NR6A1: variants seen among roughly 807,000 people sequenced by gnomAD.
The protein encoded by NR6A1 is nuclear receptor subfamily 6 group A member 1.
NR6A1 carries 7 observed loss-of-function variants against 59.1 expected under a neutral mutation model. The ratio of observed to expected loss-of-function variants is 0.12; its 90% CI spans 0.07 to 0.22. NR6A1 has a LOEUF of 0.22. Ranked by LOEUF, NR6A1 falls within the 10% of genes least tolerant of loss-of-function variation. NR6A1 has a pLI of 1.00. For synonymous variants in NR6A1, 243 were observed against 236.1 expected (o/e 1.03, Z -0.27); for missense variants, 468 against 611.6 (o/e 0.77, Z 2.48).
chr9:124,697,317 A>G (rs1273752766), intron 2 of NR6A1, among the ~76,000 whole-genome samples: 2 of 152,182 alleles, frequency 1.3e-5, no homozygotes, highest in African/African-American at 4.8e-5. Context: ...GAAGAAACAA[A>G]AGTATATAAC....
chr9:124,720,924 T>A (rs950895849), intron 2 of NR6A1, among the ~76,000 whole-genome samples: 9 of 152,212 alleles, frequency 5.9e-5, no homozygotes, highest in African/African-American at 2.2e-4. Flanking sequence ...AGAATTCCCA[T>A]GTATTCCCTT....
intron 2 of NR6A1, among the ~76,000 whole-genome samples, chr9:124,645,863 A>G (rs1205149649): frequency 6.6e-6 from 1 of 152,158 alleles, no homozygotes; most frequent in Admixed American, 6.5e-5. Flanking sequence ...AAAACAGACC[A>G]CATTCTGGCC....
intron 7 of NR6A1, among the ~76,000 whole-genome samples, chr9:124,534,293 G>A (rs760984598): frequency 4.6e-5 from 7 of 151,698 alleles, no homozygotes; most frequent in Non-Finnish European, 1.0e-4. Flanking sequence ...GGCTGGTCTC[G>A]AACTCCCAAC....
intron 2 of NR6A1, among the ~76,000 whole-genome samples, chr9:124,654,875 T>TATACACACACAC (rs1554740203): frequency 8.1e-6 from 1 of 123,876 alleles, no homozygotes; most frequent in Non-Finnish European, 1.7e-5. Context: ...TTTTTTTTTG[T>TATACACACACAC]ACACACACAC....
chr9:124,570,289 T>C (rs990449385), intron 2 of NR6A1, among the ~76,000 whole-genome samples: 1 of 152,228 alleles, frequency 6.6e-6, no homozygotes, highest in South Asian at 2.1e-4. Flanking sequence ...AAAACCCTCT[T>C]TGGAGAAAGG....
intron 2 of NR6A1, among the ~76,000 whole-genome samples, chr9:124,633,941 T>G (rs1836522145): frequency 6.6e-6 from 1 of 152,252 alleles, no homozygotes; most frequent in Non-Finnish European, 1.5e-5. Context: ...GTTTTCACAA[T>G]GTACTGTTAA....
chr9:124,654,136 T>C (rs1448408114), intron 2 of NR6A1, among the ~76,000 whole-genome samples: 1 of 152,130 alleles, frequency 6.6e-6, no homozygotes, highest in Non-Finnish European at 1.5e-5. Flanking sequence ...GAAATATGAT[T>C]CTTCTAGGAC....
intron 2 of NR6A1, among the ~76,000 whole-genome samples, chr9:124,717,879 G>A (rs1249454988): frequency 6.6e-6 from 1 of 152,180 alleles, no homozygotes; most frequent in Non-Finnish European, 1.5e-5. Flanking sequence ...GAGCTGCCAG[G>A]AAGAGTAAAT....
At chr9:124,557,813 C>T (rs1277762131) in intron 2 of NR6A1, among the ~76,000 whole-genome samples, 1 of 152,180 alleles carries the variant, frequency 6.6e-6, no homozygotes, top group Non-Finnish European at 1.5e-5. Context: ...TTAAAACCTT[C>T]AGTGTTCTTT....
At chr9:124,618,514 G>C (rs1835966161) in intron 2 of NR6A1, among the ~76,000 whole-genome samples, 1 of 152,024 alleles carries the variant, frequency 6.6e-6, no homozygotes, top group African/African-American at 2.4e-5. Flanking sequence ...AAAGGAAAAA[G>C]AAAGGTAACC....
At chr9:124,669,519 C>A (rs575745610) in intron 2 of NR6A1, among the ~76,000 whole-genome samples, 20 of 152,174 alleles carry the variant, frequency 1.3e-4, no homozygotes, top group Non-Finnish European at 2.4e-4. Flanking sequence ...ATTTGCCCTG[C>A]CTACCTGTTG....
At chr9:124,652,671 GC>G (rs893466072) in intron 2 of NR6A1, among the ~76,000 whole-genome samples, 1 of 152,136 alleles carries the variant, frequency 6.6e-6, no homozygotes, top group African/African-American at 2.4e-5. Context: ...CAGGGCTGGA[GC>G]CAGACTCTAG....
At chr9:124,652,797 A>T (rs1294317878) in intron 2 of NR6A1, among the ~76,000 whole-genome samples, 1 of 152,158 alleles carries the variant, frequency 6.6e-6, no homozygotes, top group Non-Finnish European at 1.5e-5. Context: ...TTACTTTAAA[A>T]AGCCAAGATT....
chr9:124,689,467 T>G (rs1838454141), intron 2 of NR6A1, among the ~76,000 whole-genome samples: 1 of 152,200 alleles, frequency 6.6e-6, no homozygotes, highest in Non-Finnish European at 1.5e-5. Context: ...TTTATTATAA[T>G]AAGGTATTTC....
Position 124,718,101 on chromosome 9 carries a change from G to C in NR6A1, c.142+15207C>G, listed in dbSNP as rs574597688. On this transcript the variant is annotated intron_variant, in intron 2 of 9. Coordinates refer to ENST00000487099, the MANE Select transcript of NR6A1 (RefSeq NM_033334.4). The stretch of plus-strand genomic sequence containing the variant: ...ACTGTTTCAAAGATGAACAAACTGA[G>C]CTTCACACGTTGCCTATGCTACTCA... Among the ~76,000 whole-genome samples, 282 of 152,322 alleles carry C rather than the reference G, an allele frequency of 1.9e-3. 4 individuals are homozygous for C. The highest frequency in any genetic ancestry group is 0.018 in the Admixed American group (279 of 15,304).
At chr9:124,583,879 G>A (rs911726084) in intron 2 of NR6A1, among the ~76,000 whole-genome samples, 21 of 152,144 alleles carry the variant, frequency 1.4e-4, no homozygotes, top group Non-Finnish European at 2.9e-4. Context: ...GTACTCTACA[G>A]TATTGCTATC....
chr9:124,734,415 G>A (rs1218641258), intron 1 of NR6A1, among the ~76,000 whole-genome samples: 1 of 152,146 alleles, frequency 6.6e-6, no homozygotes, highest in East Asian at 1.9e-4. Context: ...TCTTGGTGCC[G>A]GGTGCAGTGG....
At chr9:124,618,533 A>G (rs1007250885) in intron 2 of NR6A1, among the ~76,000 whole-genome samples, 3 of 152,196 alleles carry the variant, frequency 2.0e-5, no homozygotes, top group African/African-American at 4.8e-5. Flanking sequence ...CCACGAGCCC[A>G]GAGCAGTTAG....
At chr9:124,624,660 A>G (rs1412151981) in intron 2 of NR6A1, among the ~76,000 whole-genome samples, 1 of 152,212 alleles carries the variant, frequency 6.6e-6, no homozygotes, top group African/African-American at 2.4e-5. Context: ...TAAAACAATT[A>G]GTGTTTCTAA....
Sources: gnomAD v4.1 joint callset for allele counts (sites outside exome capture counted in the v4.1 genomes callset) on GRCh38, gnomAD v4.1.1 for gene constraint, MANE v1.5 for transcripts, NCBI Gene and HGNC (gene_info 2026-07-23, HGNC 2026-07-21) for gene names.